The following CFAP44 variants were observed in gnomAD, a reference collection of about 807,000 sequenced individuals.
CFAP44 encodes cilia- and flagella-associated protein 44.
A neutral mutation model predicts 216.2 loss-of-function variants in CFAP44; 134 were observed. The ratio of observed to expected loss-of-function variants is 0.62; its 90% confidence interval spans 0.54 to 0.72. The LOEUF is 0.72. CFAP44 is among the 30% of genes least tolerant of loss of function. CFAP44 has a pLI of 0.00. For missense variants in CFAP44, 2,035 were observed against 2,182.1 expected, an observed-to-expected ratio of 0.93 and a Z score of 1.34; for synonymous variants, 700 against 727.6, an observed-to-expected ratio of 0.96 and a Z score of 0.61.
At chr3:113,363,011 T>C (rs1441422599) in intron 21 of CFAP44, 134 bp downstream of exon 21, 2 of 1,383,956 alleles carry the variant, frequency 1.4e-6, no homozygotes, top group Admixed American at 3.5e-5. Flanking sequence ...CCAAAATAAA[T>C]GGCTATTGAA....
intron 5 of CFAP44, 41 bp downstream of exon 5, chr3:113,419,976 A>G: frequency 1.3e-6 from 2 of 1,599,982 alleles, no homozygotes; most frequent in Non-Finnish European, 8.5e-7. Flanking sequence ...GCAAAAAGAT[A>G]GGGTTTTTTG....
chr3:113,340,693 A>G (rs114699562), intron 24 of CFAP44, among the ~76,000 whole-genome samples: 1,535 of 152,302 alleles, frequency 0.01, 7 homozygotes, highest in Non-Finnish European at 0.017. Flanking sequence ...TGAAGCCCCA[A>G]TGGGCGTGTC....
intron 22 of CFAP44, among the ~76,000 whole-genome samples, chr3:113,347,417 C>T (rs1950396110): frequency 6.6e-6 from 1 of 152,148 alleles, no homozygotes; most frequent in African/African-American, 2.4e-5. Context: ...CACTTGCCTC[C>T]TGGGTCTTAA....
intron 3 of CFAP44, 113 bp from the exon 4 acceptor site, chr3:113,426,390 T>C: frequency 8.7e-7 from 1 of 1,155,646 alleles, no homozygotes. Context: ...AGAGACCTGG[T>C]AGGAGGTAAT....
chr3:113,439,850 G>A (rs112797646), intron 1 of CFAP44, among the ~76,000 whole-genome samples: 2 of 152,334 alleles, frequency 1.3e-5, no homozygotes, highest in African/African-American at 4.8e-5. Context: ...CCAGCAGTGT[G>A]CCAGAGGTGG....
intron 6 of CFAP44, among the ~76,000 whole-genome samples, chr3:113,410,028 G>A (rs1283367201): frequency 6.6e-6 from 1 of 152,040 alleles, no homozygotes; most frequent in Non-Finnish European, 1.5e-5. Flanking sequence ...ATGAATAATC[G>A]ACTCCTTGTT....
chr3:113,421,241 G>A (rs1351693769), intron 4 of CFAP44, among the ~76,000 whole-genome samples: 1 of 152,078 alleles, frequency 6.6e-6, no homozygotes, highest in Non-Finnish European at 1.5e-5. Context: ...CATGAAAAAC[G>A]CTCCACATCA....
chr3:113,386,880 G>C (rs553871878), intron 15 of CFAP44, among the ~76,000 whole-genome samples: 2 of 152,256 alleles, frequency 1.3e-5, no homozygotes, highest in Non-Finnish European at 2.9e-5. Flanking sequence ...GGGTACTTGG[G>C]GGAAGGACAG....
rs922899370 is a variant in CFAP44, at chr3:113,366,034, C to T, written c.2715+5G>A. On this transcript the variant is annotated splice_donor_5th_base_variant and intron_variant, in intron 19 of 34. Coordinates refer to ENST00000393845, the MANE Select transcript of CFAP44 (RefSeq NM_001164496.2). ...TATTAATTAACTGGTTAATTAATTACATACCCTGGGAGATGGAACTTTGGC... is the reference window on the plus strand; with the variant it reads ...TATTAATTAACTGGTTAATTAATTATATACCCTGGGAGATGGAACTTTGGC... The T allele has an allele frequency of 1.3e-6, 2 of 1,596,420 alleles. No individual in the cohort carries two copies. Among genetic ancestry groups the T allele is most frequent in the African/African-American group, 1.3e-5 (1 of 74,178 alleles).
At position 113,341,789 on chromosome 3, in the gene CFAP44, CT is replaced by C. The variant is rs1465501995; in HGVS notation, c.3391del (p.Arg1131GlyfsTer4). On this transcript the variant is annotated frameshift_variant, in exon 24 of 35. Coordinates refer to ENST00000393845, the MANE Select transcript of CFAP44 (RefSeq NM_001164496.2). LOFTEE classifies it high-confidence loss of function. ...KTRKLILKAE[R>X]AQLKIQQRKK... The stretch of plus-strand genomic sequence containing the variant: ...TCGCTGTTGAATCTTTAGTTGTGCC[CT>C]TTCAGCTTTTAATATAAGTTTTCTC... 6.5e-7 allele frequency: 1 copy of C among 1,526,836 alleles called. No homozygotes were observed. Among genetic ancestry groups the C allele is most frequent in the Non-Finnish European group, 8.7e-7 (1 of 1,144,494 alleles). 94.6% of individuals were successfully genotyped at this position (1,526,836 alleles called of 1,614,324 possible). A position where few individuals can be genotyped will look rare whatever the true frequency, so the allele number is the denominator to read the frequency against.
At chr3:113,427,740 T>C (rs1935000683) in intron 2 of CFAP44, 1 of 170,614 alleles carries the variant, frequency 5.9e-6, no homozygotes, top group Non-Finnish European at 1.2e-5. Context: ...TTGGAAGTGA[T>C]ATCCCAGGAA....
chr3:113,304,170 T>C, intron 31 of CFAP44, 53 bp from the exon 32 acceptor site: 3 of 1,512,854 alleles, frequency 2.0e-6, no homozygotes, highest in Non-Finnish European at 2.7e-6. Flanking sequence ...AGATTTTGTA[T>C]GGCAACAGAA....
chr3:113,343,970 C>G (rs1244210903), intron 23 of CFAP44, among the ~76,000 whole-genome samples: 1 of 152,220 alleles, frequency 6.6e-6, no homozygotes, highest in Non-Finnish European at 1.5e-5. Context: ...TTTTACTAAT[C>G]TGCAGTCACC....
At chr3:113,386,522 A>G (rs903443676) in intron 15 of CFAP44, among the ~76,000 whole-genome samples, 2 of 152,236 alleles carry the variant, frequency 1.3e-5, no homozygotes, top group African/African-American at 2.4e-5. Flanking sequence ...ACAGTGAAGA[A>G]CAAAGAAGAT....
At chr3:113,408,892 T>TTATCTATGCTGTTTGCAGAAATA (rs1934369626) in intron 7 of CFAP44, among the ~76,000 whole-genome samples, 1 of 151,216 alleles carries the variant, frequency 6.6e-6, no homozygotes, top group African/African-American at 2.4e-5. Flanking sequence ...AGCCCTTATT[T>TTATCTATGCTGTTTGCAGAAATA]TATCTATGCT....
In CFAP44 at chr3:113,379,481, T is replaced by C. The variant is rs1213022461; in HGVS notation, c.2123A>G (p.Asn708Ser). Reference protein sequence around the residue: ...LKEKIREERRNKLAAEMGEDG... With the variant: ...LKEKIREERRSKLAAEMGEDG... The stretch of plus-strand genomic sequence containing the variant: ...TTCTCCCATCTCTGCTGCTAGCTTG[T>C]TCCTCCTTTCTTCCCTTATTTTCTC... The change falls in exon 17 of 35, where the codon AAC becomes AGC. Residue 708 changes from asparagine to serine, a missense_variant. Asn to Ser is a conservative substitution (Grantham distance 46). Transcript: ENST00000393845. 26 of 1,609,008 alleles carry C rather than the reference T, an allele frequency of 1.6e-5. No homozygotes were observed. The highest frequency in any genetic ancestry group is 3.3e-5 in the Admixed American group (2 of 59,980).
chr3:113,296,347 G>A (rs544211021), intron 33 of CFAP44, among the ~76,000 whole-genome samples: 115 of 151,936 alleles, frequency 7.6e-4, no homozygotes, highest in Non-Finnish European at 1.2e-3. Context: ...TTCTCATTGT[G>A]GTTTTAATTT....
intron 17 of CFAP44, 109 bp downstream of exon 17, chr3:113,379,196 AT>A (rs1210867118): frequency 5.8e-6 from 5 of 868,430 alleles, no homozygotes; most frequent in Admixed American, 3.7e-5. Context: ...CTAAAAAAAA[AT>A]AAATAGATAA....
At chr3:113,335,488 T>A (rs1469477368) in intron 24 of CFAP44, among the ~76,000 whole-genome samples, 1 of 152,226 alleles carries the variant, frequency 6.6e-6, no homozygotes, top group Non-Finnish European at 1.5e-5. Context: ...TGGCTGAGTA[T>A]TAATCTGTAC....
Sources: allele counts gnomAD v4.1 joint callset (sites outside exome capture counted in the v4.1 genomes callset), GRCh38; gene constraint gnomAD v4.1.1; transcripts MANE v1.5; gene names NCBI Gene and HGNC (gene_info 2026-07-23, HGNC 2026-07-21).